Variants in HPSE observed in about 807,000 individuals in gnomAD.
HPSE encodes the protein endo-glucoronidase.
A neutral mutation model predicts 65.1 loss-of-function variants in HPSE; 48 were observed. The observed-to-expected ratio is 0.74, with a 90% CI of 0.58 to 0.94. The LOEUF (loss-of-function observed/expected upper bound fraction) is 0.94. Among genes scored for constraint, HPSE ranks in the 40% least tolerant of loss-of-function variants. HPSE has a pLI of 0.00. For missense variants in HPSE, 644 were observed against 637.5 expected, an observed-to-expected ratio of 1.01 and a Z score of -0.11; for synonymous variants, 243 against 260.0, an observed-to-expected ratio of 0.93 and a Z score of 0.63.
At chr4:83,328,420 A>G (rs1221110742) in intron 1 of HPSE, among the ~76,000 whole-genome samples, 2 of 152,164 alleles carry the variant, frequency 1.3e-5, no homozygotes, top group Non-Finnish European at 2.9e-5. Context: ...GCAGCCCATC[A>G]CATTCCAGTA....
chr4:83,324,704 T>A lies in HPSE; in HGVS notation c.228-2340A>T, dbSNP rs941145907. 5.9e-4 allele frequency among the ~76,000 whole-genome samples: 90 copies of A among 152,292 alleles called. 1 individual carries two copies. The highest frequency in any genetic ancestry group is 2.1e-3 in the African/African-American group (88 of 41,554). On this transcript the variant is annotated intron_variant, in intron 1 of 11. Transcript: ENST00000311412. ...AATGGAAATGCTAATCTGAACTAAG[T>A]AAGGAAGAAGCAGCTATTTTCAGTT... is the stretch of plus-strand genomic sequence containing the variant.
At chr4:83,318,257 A>G (rs1736731228) in intron 3 of HPSE, among the ~76,000 whole-genome samples, 1 of 152,186 alleles carries the variant, frequency 6.6e-6, no homozygotes, top group African/African-American at 2.4e-5. Flanking sequence ...TATTTCTTTA[A>G]CTGAGATATG....
At chr4:83,314,277 C>CAAAAAAACAAAA (rs34348231) in intron 3 of HPSE, among the ~76,000 whole-genome samples, 76 of 144,864 alleles carry the variant, frequency 5.2e-4, no homozygotes, top group African/African-American at 1.9e-3. Flanking sequence ...AACAAAAAAA[C>CAAAAAAACAAAA]AAACAAAAAA....
chr4:83,306,365 G>A (rs899323499), intron 8 of HPSE, 48 bp from the exon 9 acceptor site: 5 of 939,682 alleles, frequency 5.3e-6, no homozygotes, highest in East Asian at 4.8e-5. Context: ...AAACAAAATC[G>A]CTCAATTCTA....
intron 2 of HPSE, among the ~76,000 whole-genome samples, chr4:83,320,217 C>T (rs753068202): frequency 3.2e-4 from 49 of 151,872 alleles, no homozygotes; most frequent in African/African-American, 8.5e-4. Context: ...GACTTTTTTT[C>T]GCTTTGAATT....
rs1265675083 is a variant in HPSE, at chr4:83,292,525, TA to T, written c.*2818del. ...ATAAAAACCACTTACATATAAAATT[TA>T]AGAGTATTGAAAGATCTAAAATTTA... On this transcript the variant is annotated 3_prime_UTR_variant, in exon 12 of 12. Coordinates refer to ENST00000311412, the MANE Select transcript of HPSE (RefSeq NM_001098540.3). 6.6e-6 allele frequency: 1 copy of T among 152,252 alleles called. No individual in the cohort carries two copies. Among genetic ancestry groups the T allele is most frequent in the Non-Finnish European group, 1.5e-5 (1 of 68,050 alleles). The allele number at this position is 152,252 out of a possible 1,614,324, so 9.4% of individuals were successfully genotyped here.
intron 1 of HPSE, among the ~76,000 whole-genome samples, chr4:83,322,789 TTGTGTGTGTGTGTGTGTG>T (rs386400677): frequency 2.3e-4 from 24 of 104,060 alleles, no homozygotes; most frequent in African/African-American, 7.3e-4. Flanking sequence ...AAGAGCTTGT[TTGTGTGTGTGTGTGTGTG>T]TGTGTGTGTG....
rs1735585845 is a variant in HPSE, at chr4:83,292,502, A to G, written c.*2842T>C. 6.6e-6 allele frequency: 1 copy of G among 152,268 alleles called. No individual in the cohort carries two copies. Among genetic ancestry groups the G allele is most frequent in the South Asian group, 2.1e-4 (1 of 4,836 alleles). The allele number at this position is 152,268 out of a possible 1,614,324, so 9.4% of individuals were successfully genotyped here. ...TACTTTATTTCAAATGTGAAAATAT[A>G]AAAACCACTTACATATAAAATTTAA... On this transcript the variant is annotated 3_prime_UTR_variant, in exon 12 of 12. Coordinates refer to ENST00000311412, the MANE Select transcript of HPSE (RefSeq NM_001098540.3).
intron 1 of HPSE, among the ~76,000 whole-genome samples, chr4:83,329,864 GAGTA>G (rs1373715797): frequency 6.6e-6 from 1 of 152,086 alleles, no homozygotes; most frequent in Non-Finnish European, 1.5e-5. Flanking sequence ...TAATAAGGGG[GAGTA>G]AGTAAGAGGG....
intron 1 of HPSE, among the ~76,000 whole-genome samples, chr4:83,328,348 C>A (rs1432751002): frequency 6.6e-6 from 1 of 152,104 alleles, no homozygotes; most frequent in Non-Finnish European, 1.5e-5. Flanking sequence ...TGGTATTCTC[C>A]CTATGTGCGT....
intron 4 of HPSE, among the ~76,000 whole-genome samples, chr4:83,312,689 A>C (rs1342544153): frequency 1.4e-5 from 2 of 142,150 alleles, no homozygotes; most frequent in Non-Finnish European, 3.1e-5. Context: ...AAAAAAAAAA[A>C]AAAAAAGTGT....
rs571440031 is a variant in HPSE at position 83,300,979 on chromosome 4, G to A, written c.1453C>T (p.Pro485Ser). Residue 485 changes from proline (P) to serine (S), a missense_variant, in exon 11 of 12, where the codon CCT becomes TCT. By Grantham distance (74) the Pro-to-Ser change is moderately conservative. Transcript: ENST00000311412. ...VDKYLLRPLG[P>S]HGLLSKSVQL... ...ACTTACTTGGAAAGTAATCCATGAG[G>A]TCCCAAAGGTCTTAGAAGGTATTTA... is the stretch of plus-strand genomic sequence containing the variant. 1.3e-6 allele frequency: 2 copies of A among 1,597,588 alleles called. No individual in the cohort carries two copies. The highest frequency in any genetic ancestry group is 1.7e-6 in the Non-Finnish European group (2 of 1,172,428).
intron 3 of HPSE, among the ~76,000 whole-genome samples, chr4:83,313,792 G>A (rs1736517255): frequency 6.6e-6 from 1 of 152,002 alleles, no homozygotes; most frequent in South Asian, 2.1e-4. Context: ...AGAGTTATAG[G>A]ACTATGGTTT....
intron 1 of HPSE, among the ~76,000 whole-genome samples, chr4:83,328,428 G>T (rs760370869): frequency 1.3e-5 from 2 of 152,150 alleles, no homozygotes; most frequent in Non-Finnish European, 2.9e-5. Context: ...TCACATTCCA[G>T]TATGACCTCA....
intron 3 of HPSE, 105 bp downstream of exon 3, chr4:83,319,239 C>A: frequency 8.9e-7 from 1 of 1,121,344 alleles, no homozygotes; most frequent in Non-Finnish European, 1.3e-6. Context: ...TCAGTATTTT[C>A]AGCTTTATAC....
At chr4:83,297,853 T>G (rs1050958846) in intron 11 of HPSE, among the ~76,000 whole-genome samples, 1 of 152,206 alleles carries the variant, frequency 6.6e-6, no homozygotes, top group Non-Finnish European at 1.5e-5. Flanking sequence ...CTTGAAAATA[T>G]CTCCAGCTAA....
At chr4:83,302,458 T>C (rs1419763415) in intron 9 of HPSE, among the ~76,000 whole-genome samples, 190 bp from the exon 10 acceptor site, 1 of 151,932 alleles carries the variant, frequency 6.6e-6, no homozygotes, top group East Asian at 1.9e-4. Flanking sequence ...GAGAGCAGTA[T>C]CGTGCTTGCT....
In HPSE at chr4:83,309,421, G is replaced by T; in HGVS notation, c.965C>A (p.Ser322Tyr). ...TATTACCTGGAAAACTTTTTGCACA[G>T]ATGAAATAAAAATGTCCAATACATC... is the stretch of plus-strand genomic sequence containing the variant. ...NPDVLDIFISSVQKVFQVVES... is the reference protein window; with the variant it reads ...NPDVLDIFISYVQKVFQVVES... Residue 322 changes from serine to tyrosine, a missense_variant, in exon 7 of 12, where the codon TCT becomes TAT. Physicochemically the swap from Ser to Tyr is moderately radical, Grantham distance 144. Coordinates refer to ENST00000311412, the MANE Select transcript of HPSE (RefSeq NM_001098540.3). 1 of 1,582,002 alleles carries T rather than the reference G, an allele frequency of 6.3e-7. No homozygotes were observed. Among genetic ancestry groups the T allele is most frequent in the African/African-American group, 1.4e-5 (1 of 73,658 alleles).
rs575471354 is a variant in HPSE at position 83,303,845 on chromosome 4, T to C, written c.1207-1577A>G. 9.1e-4 allele frequency among the ~76,000 whole-genome samples: 138 copies of C among 152,298 alleles called. 1 individual carries two copies. The highest frequency in any genetic ancestry group is 3.2e-3 in the African/African-American group (132 of 41,564). On this transcript the variant is annotated intron_variant, in intron 9 of 11. Coordinates refer to ENST00000311412, the MANE Select transcript of HPSE (RefSeq NM_001098540.3). ...CACCTAGCACATACTGAAATATTTA[T>C]AGATAAAGTAATATATCTGAAATTT...
Sources: gnomAD v4.1 joint callset for allele counts (sites outside exome capture counted in the v4.1 genomes callset) on GRCh38, gnomAD v4.1.1 for gene constraint, MANE v1.5 for transcripts, NCBI Gene and HGNC (gene_info 2026-07-23, HGNC 2026-07-21) for gene names.